The following TEAD1 variants were observed in gnomAD, a reference collection of about 807,000 sequenced individuals.
The protein encoded by TEAD1 is TEA domain transcription factor 1.
In TEAD1, 9 loss-of-function variants were observed where a neutral mutation model predicts 54.9. That is an observed-to-expected ratio of 0.16 (90% CI 0.10 to 0.29). The LOEUF (loss-of-function observed/expected upper bound fraction) is 0.29. Among genes scored for constraint, TEAD1 ranks in the 10% least tolerant of loss-of-function variants. TEAD1 has a pLI of 1.00. For missense variants in TEAD1, 387 were observed against 535.9 expected (o/e 0.72, Z 2.74); for synonymous variants, 200 against 187.8 (o/e 1.07, Z -0.53).
chr11:12,889,497 A>G (rs1564978944), intron 9 of TEAD1, among the ~76,000 whole-genome samples: 1 of 152,150 alleles, frequency 6.6e-6, no homozygotes, highest in African/African-American at 2.4e-5. Context: ...TGCCATAGTG[A>G]GCAGGAGCCA....
At chr11:12,719,947 A>ATG (rs1564917568) in intron 2 of TEAD1, among the ~76,000 whole-genome samples, 5 of 59,758 alleles carry the variant, frequency 8.4e-5, no homozygotes, top group Non-Finnish European at 2.0e-4. Flanking sequence ...TGGAAATCTA[A>ATG]TGTTTTTTTT....
intron 11 of TEAD1, among the ~76,000 whole-genome samples, chr11:12,928,910 T>C (rs1384986569): frequency 1.3e-5 from 2 of 152,220 alleles, no homozygotes; most frequent in Non-Finnish European, 2.9e-5. Flanking sequence ...TTTTCGAGGA[T>C]ACAGCGCCTT....
chr11:12,884,847 T>C (rs1356285430), intron 9 of TEAD1, among the ~76,000 whole-genome samples: 1 of 152,164 alleles, frequency 6.6e-6, no homozygotes, highest in Non-Finnish European at 1.5e-5. Context: ...TGGAAGGCAT[T>C]AAGACAAACT....
chr11:12,913,126 C>T (rs545247306), intron 10 of TEAD1, among the ~76,000 whole-genome samples: 3 of 152,228 alleles, frequency 2.0e-5, no homozygotes, highest in Non-Finnish European at 2.9e-5. Flanking sequence ...TTTTGCAAGG[C>T]GTAGTTGGAT....
chr11:12,728,150 T>A (rs1234951023), intron 2 of TEAD1, among the ~76,000 whole-genome samples: 1 of 152,104 alleles, frequency 6.6e-6, no homozygotes, highest in African/African-American at 2.4e-5. Context: ...ACCTGAATAG[T>A]GTTCCTAACT....
Position 12,901,949 on chromosome 11 carries a change from C to T in TEAD1, c.709C>T (p.His237Tyr). Residue 237 changes from histidine (H) to tyrosine (Y), a missense_variant, in exon 10 of 13, where the codon CAC (histidine) becomes TAC (tyrosine). By Grantham distance (83) the His-to-Tyr change is moderately conservative. Around this residue, in one of 5 missense-constraint regions of TEAD1, gnomAD observed 180 missense variants for 180.6 expected, o/e 1.00. Transcript: ENST00000527636. Reference sequence around the variant, plus strand: ...TGTTGGTTTCTTACAGTACAACAAACACCTCTTCGTGCACATTGGGCATGC... The same window carrying T: ...TGTTGGTTTCTTACAGTACAACAAATACCTCTTCGTGCACATTGGGCATGC... The T allele has an allele frequency of 6.2e-7, 1 of 1,614,188 alleles. No homozygotes were observed. Among genetic ancestry groups the T allele is most frequent in the Non-Finnish European group, 8.5e-7 (1 of 1,180,038 alleles).
intron 2 of TEAD1, among the ~76,000 whole-genome samples, chr11:12,706,221 T>A (rs1286785923): frequency 6.6e-6 from 1 of 152,200 alleles, no homozygotes; most frequent in Non-Finnish European, 1.5e-5. Context: ...TTAACAGTGT[T>A]TTTGAACTGG....
At chr11:12,926,402 G>A (rs1187643821) in intron 11 of TEAD1, among the ~76,000 whole-genome samples, 1 of 152,112 alleles carries the variant, frequency 6.6e-6, no homozygotes, top group Non-Finnish European at 1.5e-5. Context: ...TTCCCACAAT[G>A]GTGGCAGTGG....
chr11:12,735,472 C>G (rs1223079936), intron 2 of TEAD1, among the ~76,000 whole-genome samples: 1 of 152,106 alleles, frequency 6.6e-6, no homozygotes. Context: ...AATGTGTATT[C>G]CAACCAGACC....
rs766771230 is a variant in TEAD1, at chr11:12,879,832, G to A, written c.455G>A (p.Gly152Glu). The change falls in exon 6 of 13, where the codon GGG (glycine) becomes GAG (glutamate). Residue 152 changes from glycine to glutamate, a missense_variant. Gly to Glu is a moderately conservative substitution (Grantham distance 98). This residue lies in a region of TEAD1 where 180 missense variants were observed against 180.6 expected (regional missense o/e 1.00). Transcript: ENST00000527636. ...GGGATTCCACGCCCGACCTTCCCAGGGGCGCCGGGGGTAAGTCATGAGCTC... is the reference window on the plus strand; with the variant it reads ...GGGATTCCACGCCCGACCTTCCCAGAGGCGCCGGGGGTAAGTCATGAGCTC... 6 of 1,613,338 alleles carry A rather than the reference G, an allele frequency of 3.7e-6. No individual in the cohort carries two copies. The highest frequency in any genetic ancestry group is 1.7e-5 in the Admixed American group (1 of 60,002).
intron 10 of TEAD1, among the ~76,000 whole-genome samples, chr11:12,909,336 A>G (rs115495563): frequency 1.3e-3 from 201 of 152,286 alleles, no homozygotes; most frequent in African/African-American, 3.7e-3. Context: ...ATTGAATACT[A>G]TGCAGCCATA....
chr11:12,808,142 T>G (rs895631095), intron 3 of TEAD1, among the ~76,000 whole-genome samples: 3 of 152,246 alleles, frequency 2.0e-5, no homozygotes, highest in Non-Finnish European at 4.4e-5. Flanking sequence ...CATTTCATTT[T>G]CCAAGTAACT....
chr11:12,873,119 C>CT (rs1388306920), intron 5 of TEAD1, among the ~76,000 whole-genome samples: 1 of 152,166 alleles, frequency 6.6e-6, no homozygotes, highest in Non-Finnish European at 1.5e-5. Context: ...ACTTGGAATG[C>CT]TTTGCATTGT....
intron 5 of TEAD1, among the ~76,000 whole-genome samples, chr11:12,875,947 G>T (rs1564973043): frequency 6.6e-6 from 1 of 152,156 alleles, no homozygotes; most frequent in Admixed American, 6.5e-5. Context: ...TATAAATAAA[G>T]AAACTTCGAA....
chr11:12,702,819 G>A (rs1479184275), intron 2 of TEAD1, among the ~76,000 whole-genome samples: 1 of 152,266 alleles, frequency 6.6e-6, no homozygotes, highest in East Asian at 1.9e-4. Context: ...ATCATTATCC[G>A]ATAATGCACT....
At chr11:12,763,750 A>G (rs113449180) in intron 2 of TEAD1, among the ~76,000 whole-genome samples, 25 of 152,356 alleles carry the variant, frequency 1.6e-4, no homozygotes, top group African/African-American at 6.0e-4. Flanking sequence ...ATGATCATTT[A>G]GCAAAGTGCC....
chr11:12,808,355 G>A (rs559985773), intron 3 of TEAD1, among the ~76,000 whole-genome samples: 1 of 152,220 alleles, frequency 6.6e-6, no homozygotes, highest in South Asian at 2.1e-4. Flanking sequence ...CTCTACCCTT[G>A]AGCCTTCTCT....
intron 2 of TEAD1, among the ~76,000 whole-genome samples, chr11:12,678,943 G>GT (rs1943157639): frequency 6.6e-6 from 1 of 152,170 alleles, no homozygotes; most frequent in Non-Finnish European, 1.5e-5. Context: ...GGATGCCCTG[G>GT]TGGGTGGGTT....
intron 3 of TEAD1, among the ~76,000 whole-genome samples, chr11:12,847,956 C>T (rs1402839715): frequency 2.0e-5 from 3 of 152,136 alleles, no homozygotes; most frequent in African/African-American, 7.2e-5. Flanking sequence ...CTTTCTCTGT[C>T]GTGACTAGCT....
Sources: allele counts gnomAD v4.1 joint callset (sites outside exome capture counted in the v4.1 genomes callset), GRCh38; gene constraint gnomAD v4.1.1; regional missense constraint gnomAD v4.1.1; transcripts MANE v1.5; gene names NCBI Gene and HGNC (gene_info 2026-07-23, HGNC 2026-07-21).